Variants in RNF17 observed in about 807,000 individuals in gnomAD.
The protein encoded by RNF17 is spermatogenesis associated 23.
A neutral mutation model predicts 200.5 loss-of-function variants in RNF17; 31 were observed. The observed-to-expected ratio is 0.15, with a 90% CI of 0.12 to 0.21. The LOEUF is 0.21. Ranked by LOEUF, RNF17 falls within the 10% of genes least tolerant of loss-of-function variation. The pLI is 1.00. For synonymous variants in RNF17, 606 were observed against 637.8 expected (o/e 0.95, Z 0.75); for missense variants, 1,628 against 1,905.1 (o/e 0.85, Z 2.71).
At chr13:24,828,090 A>G (rs1446414362) in intron 16 of RNF17, among the ~76,000 whole-genome samples, 1 of 152,220 alleles carries the variant, frequency 6.6e-6, no homozygotes, top group African/African-American at 2.4e-5. Flanking sequence ...TGGAGCAAAC[A>G]AAAGCATTTT....
At chr13:24,781,274 G>C (rs927339336) in intron 5 of RNF17, among the ~76,000 whole-genome samples, 1 of 151,560 alleles carries the variant, frequency 6.6e-6, no homozygotes, top group African/African-American at 2.4e-5. Flanking sequence ...ATGATGAAAA[G>C]AAAAAAATTT....
At position 24,789,682 on chromosome 13, in the gene RNF17, T is replaced by G. The variant is rs1005718108; in HGVS notation, c.861-16T>G. On this transcript the variant is annotated splice_polypyrimidine_tract_variant and intron_variant, in intron 8 of 35. Coordinates refer to ENST00000255324, the MANE Select transcript of RNF17 (RefSeq NM_031277.3). ...TGTATTAGAACATTTATGTATATGTTAATGTTTTATTATAGGTTGAGTGTG... is the reference window on the plus strand; with the variant it reads ...TGTATTAGAACATTTATGTATATGTGAATGTTTTATTATAGGTTGAGTGTG... 4 of 1,487,284 alleles carry G rather than the reference T, an allele frequency of 2.7e-6. No individual in the cohort carries two copies. In the African/African-American group the frequency reaches 4.1e-5, roughly 15 times the overall value. 92.1% of individuals were successfully genotyped at this position (1,487,284 alleles called of 1,614,324 possible).
At chr13:24,812,973 C>T (rs552751065) in intron 15 of RNF17, among the ~76,000 whole-genome samples, 16 of 151,948 alleles carry the variant, frequency 1.1e-4, no homozygotes, top group East Asian at 3.9e-4. Context: ...TGAGCCACCG[C>T]GCCCGGCCAA....
At position 24,859,022 on chromosome 13, in the gene RNF17, C is replaced by A; in HGVS notation, c.3632C>A (p.Thr1211Lys). 1.9e-6 allele frequency: 3 copies of A among 1,589,280 alleles called. No homozygotes were observed. Among genetic ancestry groups the A allele is most frequent in the Non-Finnish European group, 1.7e-6 (2 of 1,161,016 alleles). The change falls in exon 26 of 36, where the codon ACA (threonine) becomes AAA (lysine). Residue 1211 changes from threonine (T) to lysine (K), a missense_variant. By Grantham distance (78) the Thr-to-Lys change is moderately conservative. Transcript: ENST00000255324. ...KLSEFELIKM[T>K]NEIQSNLKCL... ...TCAGAATTTGAGCTAATAAAAATGACAAATGAAATTCAAAGTAATTTAAAA... is the reference window on the plus strand; with the variant it reads ...TCAGAATTTGAGCTAATAAAAATGAAAAATGAAATTCAAAGTAATTTAAAA...
chr13:24,847,615 G>A (rs1030866873), intron 22 of RNF17, among the ~76,000 whole-genome samples: 10 of 152,132 alleles, frequency 6.6e-5, no homozygotes, highest in African/African-American at 2.4e-4. Context: ...CAAGGTGCTG[G>A]GATTATGGCG....
chr13:24,762,813 C>T (rs1212176411), upstream of RNF17, among the ~76,000 whole-genome samples: 3 of 152,188 alleles, frequency 2.0e-5, no homozygotes, highest in African/African-American at 4.8e-5. Flanking sequence ...TCATTCCTTG[C>T]TCACAAAACG....
intron 2 of RNF17, 123 bp from the exon 3 acceptor site, chr13:24,774,690 G>A: frequency 1.9e-6 from 1 of 515,902 alleles, no homozygotes; most frequent in Non-Finnish European, 3.4e-6. Flanking sequence ...ATTTACAGGG[G>A]ATTTCAGGAT....
At chr13:24,884,269 G>A (rs1027728093), downstream of RNF17, 1 of 1,613,946 alleles carries the variant, frequency 6.2e-7, no homozygotes, top group Non-Finnish European at 8.5e-7. Context: ...CAGTCAGTCT[G>A]CCTTTTCTCC....
At chr13:24,789,829 C>G in intron 9 of RNF17, 57 bp downstream of exon 9, 1 of 949,314 alleles carries the variant, frequency 1.1e-6, no homozygotes, top group Non-Finnish European at 1.7e-6. Flanking sequence ...CTTACATTAT[C>G]TAAGAGACAG....
At chr13:24,853,296 T>G (rs931246434) in intron 24 of RNF17, among the ~76,000 whole-genome samples, 2 of 152,180 alleles carry the variant, frequency 1.3e-5, no homozygotes, top group African/African-American at 4.8e-5. Flanking sequence ...ATATTAATAT[T>G]TCCTCCTAAG....
At chr13:24,862,216 T>C (rs1893169352) in intron 27 of RNF17, among the ~76,000 whole-genome samples, 1 of 152,180 alleles carries the variant, frequency 6.6e-6, no homozygotes, top group Non-Finnish European at 1.5e-5. Flanking sequence ...GCCGTCAAGA[T>C]GTCCACCATA....
chr13:24,849,850 C>A (rs1476783240), intron 22 of RNF17, among the ~76,000 whole-genome samples: 1 of 152,060 alleles, frequency 6.6e-6, no homozygotes, highest in Non-Finnish European at 1.5e-5. Flanking sequence ...AAAGAACTTC[C>A]AAAGATGGGC....
chr13:24,876,255 T>G (rs1208036744), intron 33 of RNF17, among the ~76,000 whole-genome samples: 1 of 152,230 alleles, frequency 6.6e-6, no homozygotes, highest in Non-Finnish European at 1.5e-5. Context: ...TATTTTCATC[T>G]TAATTTCATT....
intron 3 of RNF17, among the ~76,000 whole-genome samples, chr13:24,777,133 C>A (rs181805435): frequency 2.0e-5 from 3 of 152,174 alleles, no homozygotes; most frequent in Admixed American, 6.5e-5. Context: ...ATCCTTGACT[C>A]ATTTACTGAT....
intron 17 of RNF17, among the ~76,000 whole-genome samples, 168 bp from the exon 18 acceptor site, chr13:24,831,690 G>T (rs1036615427): frequency 6.6e-6 from 1 of 152,164 alleles, no homozygotes; most frequent in African/African-American, 2.4e-5. Flanking sequence ...TCAATGATTT[G>T]TGTTTATAAA....
intron 15 of RNF17, chr13:24,824,265 C>G (rs1888398617): frequency 4.3e-6 from 3 of 703,050 alleles, no homozygotes; most frequent in Non-Finnish European, 7.9e-6. Context: ...GGAAGAAGAA[C>G]TTAAAGCTTC....
the RNF17 span, chr13:24,885,311 C>G: frequency 1.9e-6 from 3 of 1,613,502 alleles, no homozygotes; most frequent in African/African-American, 4.0e-5. Context: ...CCCTGTATGT[C>G]TTGGTCTTCC....
intron 6 of RNF17, among the ~76,000 whole-genome samples, chr13:24,782,357 T>G (rs56658205): frequency 0.046 from 6,920 of 152,074 alleles, 477 homozygotes; most frequent in African/African-American, 0.15. Flanking sequence ...GTGTTTTTTT[T>G]TTGTTGTTGT....
chr13:24,764,480 A>C (rs1478499843), intron 1 of RNF17, 147 bp downstream of exon 1: 2 of 1,194,654 alleles, frequency 1.7e-6, no homozygotes, highest in South Asian at 4.0e-5. Flanking sequence ...CGCGAGCTGC[A>C]CCCGACCTCT....
Sources: allele counts gnomAD v4.1 joint callset (sites outside exome capture counted in the v4.1 genomes callset), GRCh38; gene constraint gnomAD v4.1.1; transcripts MANE v1.5; gene names NCBI Gene and HGNC (gene_info 2026-07-23, HGNC 2026-07-21).